The following IL18R1 variants were observed in gnomAD, a reference collection of about 807,000 sequenced individuals.
IL18R1 encodes the protein interleukin-18 receptor 1.
In IL18R1, 40 loss-of-function variants were observed where a neutral mutation model predicts 48.5. That is an observed-to-expected ratio of 0.82 (90% CI 0.64 to 1.07). The LOEUF is 1.07. IL18R1 is among the 50% of genes least tolerant of loss of function. The probability of loss-of-function intolerance (pLI) is 0.00; values close to 1 mark genes in which losing one functional copy is unlikely to be tolerated. For synonymous variants in IL18R1, 232 were observed against 225.9 expected (o/e 1.03, Z -0.24); for missense variants, 596 against 633.7 (o/e 0.94, Z 0.64).
At chr2:102,380,997 C>G (rs1358633499) in intron 5 of IL18R1, among the ~76,000 whole-genome samples, 2 of 152,158 alleles carry the variant, frequency 1.3e-5, no homozygotes, top group Admixed American at 1.3e-4. Context: ...ACTTACTTCC[C>G]AAGCATCACC....
At chr2:102,385,735 G>A (rs1455219931) in intron 7 of IL18R1, among the ~76,000 whole-genome samples, 1 of 152,152 alleles carries the variant, frequency 6.6e-6, no homozygotes, top group Non-Finnish European at 1.5e-5. Context: ...TTCTTGCCCG[G>A]GAGCAGGCAT....
chr2:102,386,164 C>A (rs1680212710), intron 7 of IL18R1, among the ~76,000 whole-genome samples: 1 of 152,274 alleles, frequency 6.6e-6, no homozygotes, highest in South Asian at 2.1e-4. Context: ...GGAATGTGGG[C>A]ACATGGGGCC....
chr2:102,382,598 C>T (rs1679983621), intron 6 of IL18R1, among the ~76,000 whole-genome samples: 2 of 152,182 alleles, frequency 1.3e-5, no homozygotes, highest in Non-Finnish European at 1.5e-5. Context: ...CATGTATTCT[C>T]ATTTTATGAA....
chr2:102,366,780 A>G (rs1417841241), intron 2 of IL18R1, among the ~76,000 whole-genome samples: 2 of 152,210 alleles, frequency 1.3e-5, no homozygotes, highest in Non-Finnish European at 2.9e-5. Flanking sequence ...CACTATCATG[A>G]GAACAGCATG....
intron 9 of IL18R1, among the ~76,000 whole-genome samples, chr2:102,390,913 C>A (rs919468483): frequency 3.9e-5 from 4 of 102,674 alleles, no homozygotes; most frequent in South Asian, 2.9e-4. Flanking sequence ...CCAGCCTGGG[C>A]GACAAAGCAA....
chr2:102,376,979 T>G (rs1333996628), intron 5 of IL18R1, among the ~76,000 whole-genome samples: 1 of 152,244 alleles, frequency 6.6e-6, no homozygotes, highest in East Asian at 1.9e-4. Flanking sequence ...TTTCACAGAT[T>G]AAATCTGGCT....
intron 3 of IL18R1, among the ~76,000 whole-genome samples, chr2:102,370,565 T>C (rs1397317841): frequency 6.6e-6 from 1 of 152,238 alleles, no homozygotes; most frequent in Non-Finnish European, 1.5e-5. Flanking sequence ...GGCCAATCTT[T>C]TATAAATTCA....
At chr2:102,360,558 C>A (rs759575815) in intron 1 of IL18R1, among the ~76,000 whole-genome samples, 5 of 152,086 alleles carry the variant, frequency 3.3e-5, no homozygotes, top group Non-Finnish European at 1.5e-5. Context: ...CCACTGTGCC[C>A]GGCCAAACAT....
chr2:102,357,374 C>T (rs746792167), intron 1 of IL18R1, among the ~76,000 whole-genome samples: 8 of 151,998 alleles, frequency 5.3e-5, no homozygotes, highest in Admixed American at 2.6e-4. Context: ...ATCTGTAATC[C>T]CAGCTACTCG....
At chr2:102,371,043 C>CTT (rs386390779) in intron 3 of IL18R1, among the ~76,000 whole-genome samples, 285 of 151,504 alleles carry the variant, frequency 1.9e-3, no homozygotes, top group Non-Finnish European at 2.3e-3. Flanking sequence ...TCCAGATCAC[C>CTT]TTTTTTTGTT....
intron 2 of IL18R1, among the ~76,000 whole-genome samples, chr2:102,365,687 G>T (rs1007347612): frequency 3.3e-5 from 5 of 152,134 alleles, no homozygotes; most frequent in Admixed American, 6.5e-5. Flanking sequence ...CTACATGAGG[G>T]TTCCACCCCT....
intron 3 of IL18R1, among the ~76,000 whole-genome samples, chr2:102,369,694 G>A (rs2160202): frequency 0.22 from 33,390 of 152,152 alleles, 4,359 homozygotes; most frequent in East Asian, 0.39. Flanking sequence ...TTCTAACTTA[G>A]GTGTGTAACC....
chr2:102,383,830 A>G (rs986607189), intron 6 of IL18R1, among the ~76,000 whole-genome samples: 2 of 152,230 alleles, frequency 1.3e-5, no homozygotes, highest in African/African-American at 4.8e-5. Flanking sequence ...AATAAATTAC[A>G]CTTTGTTGAA....
chr2:102,357,240 C>G (rs983461001), intron 1 of IL18R1, among the ~76,000 whole-genome samples: 4 of 152,130 alleles, frequency 2.6e-5, no homozygotes, highest in Non-Finnish European at 4.4e-5. Flanking sequence ...GGGTCTAAAT[C>G]CCAGCACTTG....
At chr2:102,359,467 C>G (rs1373594299) in intron 1 of IL18R1, among the ~76,000 whole-genome samples, 2 of 151,990 alleles carry the variant, frequency 1.3e-5, no homozygotes, top group Non-Finnish European at 2.9e-5. Flanking sequence ...AGAAAGTAAA[C>G]AACAAGTTAG....
Position 102,384,924 on chromosome 2 carries a change from T to C in IL18R1, c.735T>C (p.Asp245=). The C allele has an allele frequency of 2.5e-6, 4 of 1,611,108 alleles. No homozygotes were observed. Among genetic ancestry groups the C allele is most frequent in the Non-Finnish European group, 3.4e-6 (4 of 1,177,514 alleles). Residue 245 remains aspartate, a synonymous_variant, in exon 7 of 11, where the codon GAT becomes GAC. Transcript: ENST00000233957. ...LNCSALLNEE[D]VIYWMFGEEN... is the part of the protein sequence containing the mutation. ...GCTCTGCTTTGCTGAATGAAGAGGA[T>C]GTAATTTATTGGATGTTCGGGGAAG...
At chr2:102,395,791 T>C (rs1036397178) in intron 10 of IL18R1, among the ~76,000 whole-genome samples, 5 of 152,150 alleles carry the variant, frequency 3.3e-5, no homozygotes, top group African/African-American at 1.2e-4. Flanking sequence ...TTGAGAACAG[T>C]GAGAGGTCTA....
intron 2 of IL18R1, among the ~76,000 whole-genome samples, chr2:102,366,663 G>A (rs1678917406): frequency 6.6e-5 from 10 of 152,084 alleles, no homozygotes; most frequent in Admixed American, 6.5e-4. Context: ...ATATATAAAG[G>A]AGAAAGATTT....
intron 9 of IL18R1, 91 bp from the exon 10 acceptor site, chr2:102,394,378 C>G (rs1680709866): frequency 2.8e-6 from 3 of 1,066,238 alleles, no homozygotes; most frequent in South Asian, 3.3e-5. Flanking sequence ...TTCAATGATT[C>G]TATACTCATT....
Sources: gnomAD v4.1 joint callset for allele counts (sites outside exome capture counted in the v4.1 genomes callset) on GRCh38, gnomAD v4.1.1 for gene constraint, MANE v1.5 for transcripts, NCBI Gene and HGNC (gene_info 2026-07-23, HGNC 2026-07-21) for gene names.